Variants in PTP4A1 observed in about 807,000 individuals in gnomAD.
PTP4A1 encodes protein tyrosine phosphatase 4A1.
In PTP4A1, 9 loss-of-function variants were observed where a neutral mutation model predicts 20.5. The ratio of observed to expected loss-of-function variants is 0.44; its 90% confidence interval spans 0.26 to 0.77. The LOEUF (loss-of-function observed/expected upper bound fraction) is 0.77. Ranked by LOEUF, PTP4A1 falls within the 30% of genes least tolerant of loss-of-function variation. The probability of loss-of-function intolerance (pLI) is 0.19; values close to 1 mark genes in which losing one functional copy is unlikely to be tolerated. For missense variants in PTP4A1, 137 were observed against 218.8 expected (o/e 0.63, Z 2.36); for synonymous variants, 78 against 67.4 (o/e 1.16, Z -0.77).
intron 2 of PTP4A1, among the ~76,000 whole-genome samples, chr6:63,530,218 C>CT (rs796650758): frequency 2.6e-4 from 40 of 152,044 alleles, no homozygotes; most frequent in African/African-American, 9.6e-4. Context: ...TTACTTAACA[C>CT]TTTTTTTTCA....
intron 2 of PTP4A1, among the ~76,000 whole-genome samples, chr6:63,532,683 T>C (rs911708957): frequency 1.3e-5 from 2 of 151,984 alleles, no homozygotes; most frequent in Non-Finnish European, 2.9e-5. Flanking sequence ...AGTTGGAGAG[T>C]GAAACAAAAA....
At chr6:63,536,548 A>G (rs1012208857) in intron 2 of PTP4A1, among the ~76,000 whole-genome samples, 1 of 152,208 alleles carries the variant, frequency 6.6e-6, no homozygotes, top group African/African-American at 2.4e-5. Flanking sequence ...CGTGGGGAAC[A>G]AATCACCACT....
upstream of PTP4A1, among the ~76,000 whole-genome samples, chr6:63,519,085 C>T (rs1015889471): frequency 1.3e-5 from 2 of 152,064 alleles, no homozygotes; most frequent in Non-Finnish European, 2.9e-5. Flanking sequence ...GAGGCCAAGG[C>T]GGGCAGATCG....
intron 1 of PTP4A1, chr6:63,573,308 A>T (rs557556624): frequency 6.6e-6 from 1 of 151,950 alleles, no homozygotes; most frequent in Admixed American, 6.6e-5. Context: ...GGCGTGGGGT[A>T]GGCCGGACAG....
intron 2 of PTP4A1, among the ~76,000 whole-genome samples, chr6:63,578,185 C>T (rs1302442102): frequency 6.6e-6 from 1 of 152,100 alleles, no homozygotes; most frequent in Non-Finnish European, 1.5e-5. Flanking sequence ...ACAATTTAAA[C>T]AAAAGAAGGA....
upstream of PTP4A1, among the ~76,000 whole-genome samples, chr6:63,520,565 A>G (rs1774882050): frequency 6.6e-6 from 1 of 151,992 alleles, no homozygotes; most frequent in Non-Finnish European, 1.5e-5. Context: ...AGGCAGACAG[A>G]GGTTGCAGTG....
intron 5 of PTP4A1, 70 bp downstream of exon 5, chr6:63,579,401 G>A: frequency 9.0e-7 from 1 of 1,114,232 alleles, no homozygotes; most frequent in Non-Finnish European, 1.3e-6. Flanking sequence ...GAGTTTAATA[G>A]TCTAATAGCC....
chr6:63,579,939 C>T, intron 5 of PTP4A1, 118 bp from the exon 6 acceptor site: 2 of 730,656 alleles, frequency 2.7e-6, no homozygotes, highest in Non-Finnish European at 4.7e-6. Context: ...CATCAGGTCA[C>T]AGCCTAATTA....
intron 2 of PTP4A1, among the ~76,000 whole-genome samples, chr6:63,530,688 A>T (rs546144712): frequency 6.6e-6 from 1 of 152,334 alleles, no homozygotes; most frequent in East Asian, 1.9e-4. Context: ...CAAATAAAAC[A>T]TATACATAGA....
At chr6:63,557,133 G>A (rs1198102904) in intron 3 of PTP4A1, among the ~76,000 whole-genome samples, 1 of 152,252 alleles carries the variant, frequency 6.6e-6, no homozygotes, top group Non-Finnish European at 1.5e-5. Flanking sequence ...TTCAAAGGGT[G>A]TGAGAGAGAT....
intron 3 of PTP4A1, among the ~76,000 whole-genome samples, chr6:63,564,270 T>C (rs1681952): frequency 2.8e-5 from 4 of 144,604 alleles, no homozygotes; most frequent in Non-Finnish European, 6.0e-5. Flanking sequence ...AGCGAGACTC[T>C]GTCTCAAAAA....
intron 3 of PTP4A1, among the ~76,000 whole-genome samples, chr6:63,562,406 T>C (rs1581938409): frequency 6.6e-6 from 1 of 151,908 alleles, no homozygotes; most frequent in Non-Finnish European, 1.5e-5. Flanking sequence ...TCCATGTTGG[T>C]CAGGCTGGTC....
intron 2 of PTP4A1, among the ~76,000 whole-genome samples, chr6:63,546,949 T>G (rs1776218509): frequency 6.6e-6 from 1 of 152,206 alleles, no homozygotes; most frequent in Non-Finnish European, 1.5e-5. Context: ...ATAAATATAT[T>G]TAATTTTTGT....
Position 63,580,476 on chromosome 6 carries a change from C to T in PTP4A1, c.*302C>T, listed in dbSNP as rs1400658624. On this transcript the variant is annotated 3_prime_UTR_variant, in exon 6 of 6. Coordinates refer to ENST00000626021, the MANE Select transcript of PTP4A1 (RefSeq NM_003463.5). ...AGTTATGACTTGTTAAATCTATTCC[C>T]ATGCCAGAATCTTATCAATACATAA... 1 of 238,518 alleles carries T rather than the reference C, an allele frequency of 4.2e-6. No homozygotes were observed. Among genetic ancestry groups the T allele is most frequent in the South Asian group, 9.2e-5 (1 of 10,820 alleles). 14.8% of individuals were successfully genotyped at this position (238,518 alleles called of 1,614,324 possible).
intron 2 of PTP4A1, among the ~76,000 whole-genome samples, chr6:63,547,187 A>ATTT (rs543564867): frequency 6.0e-5 from 8 of 133,976 alleles, no homozygotes; most frequent in Admixed American, 1.5e-4. Flanking sequence ...GTAGGGGGGA[A>ATTT]TTTTTTTTTT....
At chr6:63,571,517 TAA>T (rs932329522), upstream of PTP4A1, 6 of 152,170 alleles carry the variant, frequency 3.9e-5, no homozygotes, top group Non-Finnish European at 7.3e-5. Flanking sequence ...ATGAAGTCAG[TAA>T]AAGAGGACTG....
Position 63,576,445 on chromosome 6 carries a change from G to A in PTP4A1, c.-436G>A. On this transcript the variant is annotated 5_prime_UTR_variant, in exon 2 of 6. Coordinates refer to ENST00000626021, the MANE Select transcript of PTP4A1 (RefSeq NM_003463.5). ...TTTTTCTTTTAAACAGCAATTCTGT[G>A]GTGTTCTTGGTCACACATTTATGGA... is the stretch of plus-strand genomic sequence containing the variant. 1 of 399,500 alleles carries A rather than the reference G, an allele frequency of 2.5e-6. No homozygotes were observed. Among genetic ancestry groups the A allele is most frequent in the East Asian group, 3.6e-5 (1 of 28,080 alleles). 24.7% of individuals were successfully genotyped at this position (399,500 alleles called of 1,614,324 possible). A position where few individuals can be genotyped will look rare whatever the true frequency, so the allele number is the denominator to read the frequency against.
At chr6:63,574,100 C>T (rs930755219) in intron 1 of PTP4A1, among the ~76,000 whole-genome samples, 1 of 152,162 alleles carries the variant, frequency 6.6e-6, no homozygotes, top group Admixed American at 6.5e-5. Flanking sequence ...TGAGGCAGTG[C>T]TTCCTGTTAC....
chr6:63,517,653 C>G (rs1456630253), upstream of PTP4A1, among the ~76,000 whole-genome samples: 1 of 152,080 alleles, frequency 6.6e-6, no homozygotes, highest in Non-Finnish European at 1.5e-5. Context: ...CACACAATCA[C>G]ATACACACAC....
Sources: allele counts gnomAD v4.1 joint callset (sites outside exome capture counted in the v4.1 genomes callset), GRCh38; gene constraint gnomAD v4.1.1; transcripts MANE v1.5; gene names NCBI Gene and HGNC (gene_info 2026-07-23, HGNC 2026-07-21).